Variants in IL1RAPL1 observed in about 807,000 individuals in gnomAD.
IL1RAPL1 encodes the protein interleukin 1 receptor accessory protein like 1.
IL1RAPL1 carries 3 observed loss-of-function variants against 48.4 expected under a neutral mutation model. The ratio of observed to expected loss-of-function variants is 0.06; its 90% confidence interval spans 0.03 to 0.16. The LOEUF (loss-of-function observed/expected upper bound fraction) is 0.16, where lower values mean the gene tolerates loss of function less well. Among genes scored for constraint, IL1RAPL1 ranks in the 10% least tolerant of loss-of-function variants. The pLI is 1.00. For synonymous variants in IL1RAPL1, 185 were observed against 187.7 expected (o/e 0.99, Z 0.12); for missense variants, 349 against 530.6 (o/e 0.66, Z 3.36).
At chrX:29,894,863 C>G (rs1258822030) in intron 6 of IL1RAPL1, among the ~76,000 whole-genome samples, 1 of 110,576 alleles carries the variant, frequency 9.0e-6, no homozygotes, top group Non-Finnish European at 1.9e-5. Flanking sequence ...GAGTCTTGCT[C>G]TACCACCCAG....
At chrX:29,771,538 T>A (rs1158963681) in intron 6 of IL1RAPL1, among the ~76,000 whole-genome samples, 1 of 112,053 alleles carries the variant, frequency 8.9e-6, no homozygotes, top group African/African-American at 3.2e-5. Flanking sequence ...TTGGGGTCAC[T>A]GTTTGGAAAA....
At chrX:28,849,911 A>G (rs1227541307) in intron 2 of IL1RAPL1, among the ~76,000 whole-genome samples, 1 of 111,847 alleles carries the variant, frequency 8.9e-6, no homozygotes, top group Non-Finnish European at 1.9e-5. Context: ...TTATTCAACT[A>G]ATGCCAGTAC....
At chrX:29,485,929 A>T (rs1935090565) in intron 5 of IL1RAPL1, among the ~76,000 whole-genome samples, 1 of 111,197 alleles carries the variant, frequency 9.0e-6, no homozygotes, top group Admixed American at 9.6e-5. Context: ...ATCCCCATGG[A>T]ATCTGTAGGC....
At chrX:29,253,107 T>A (rs1332243349) in intron 2 of IL1RAPL1, among the ~76,000 whole-genome samples, 1 of 110,912 alleles carries the variant, frequency 9.0e-6, no homozygotes, top group Non-Finnish European at 1.9e-5. Context: ...GAAAGTGAAA[T>A]AACATGTCTA....
chrX:28,737,157 C>T (rs1283143038), intron 1 of IL1RAPL1, among the ~76,000 whole-genome samples: 412 of 31,475 alleles, frequency 0.013, 6 homozygotes, highest in East Asian at 0.073. Context: ...TTCCTTCCTT[C>T]CTTCCTTCCT....
chrX:29,399,103 T>C, intron 4 of IL1RAPL1, 52 bp from the exon 5 acceptor site: 3 of 993,651 alleles, frequency 3.0e-6, no homozygotes, highest in Non-Finnish European at 4.3e-6. Context: ...AAAACTGTTC[T>C]ATATTTTTCC....
intron 6 of IL1RAPL1, among the ~76,000 whole-genome samples, chrX:29,767,451 G>A (rs1215764206): frequency 1.8e-5 from 2 of 111,687 alleles, no homozygotes. Flanking sequence ...GTATTCCAAA[G>A]GAAAGTATAA....
At chrX:28,939,056 GA>G (rs1277143789) in intron 2 of IL1RAPL1, among the ~76,000 whole-genome samples, 1 of 109,473 alleles carries the variant, frequency 9.1e-6, no homozygotes, top group Non-Finnish European at 1.9e-5. Flanking sequence ...TGGTTGTAGA[GA>G]AAAGAGAACA....
Position 29,919,871 on chromosome X carries a change from C to T in IL1RAPL1, c.912-78C>T, listed in dbSNP as rs1932831904. On this transcript the variant is annotated intron_variant, in intron 7 of 10. Coordinates refer to ENST00000378993, the MANE Select transcript of IL1RAPL1 (RefSeq NM_014271.4). ...TTTGTAGGTAGTTTTACATCAGATT[C>T]GGATTCATCTACATTTCTTTCTTGT... 2.7e-5 allele frequency: 26 copies of T among 972,100 alleles called. No individual in the cohort carries two copies. In the South Asian group the frequency reaches 2.9e-4, roughly 11 times the overall value. 80.1% of individuals were successfully genotyped at this position (972,100 alleles called of 1,213,427 possible). A position where few individuals can be genotyped will look rare whatever the true frequency, so the allele number is the denominator to read the frequency against.
At chrX:29,875,054 A>G (rs10126432) in intron 6 of IL1RAPL1, among the ~76,000 whole-genome samples, 3,586 of 111,817 alleles carry the variant, frequency 0.032, 126 homozygotes, top group African/African-American at 0.11. Flanking sequence ...TAACACATAC[A>G]TATATACACA....
intron 6 of IL1RAPL1, among the ~76,000 whole-genome samples, chrX:29,739,414 AT>A (rs1412933630): frequency 1.7e-4 from 19 of 111,097 alleles, no homozygotes; most frequent in Non-Finnish European, 2.6e-4. Context: ...TTCATTAGGT[AT>A]TTTTTCCATT....
chrX:28,957,842 C>A (rs1291982709), intron 2 of IL1RAPL1, among the ~76,000 whole-genome samples: 2 of 108,918 alleles, frequency 1.8e-5, no homozygotes, highest in East Asian at 5.7e-4. Context: ...GCCTGTAATC[C>A]CAGCTACTCA....
intron 2 of IL1RAPL1, among the ~76,000 whole-genome samples, chrX:28,963,648 T>C (rs1262780708): frequency 9.0e-6 from 1 of 110,976 alleles, no homozygotes; most frequent in East Asian, 2.8e-4. Context: ...ATATGCATGT[T>C]TGGGTGTTAT....
intron 6 of IL1RAPL1, among the ~76,000 whole-genome samples, chrX:29,897,999 TA>T (rs753942291): frequency 1.6e-4 from 18 of 111,522 alleles, no homozygotes; most frequent in African/African-American, 5.9e-4. Flanking sequence ...TTTTATATTA[TA>T]AAAATTTAAA....
chrX:29,565,227 G>T (rs963178373), intron 5 of IL1RAPL1, among the ~76,000 whole-genome samples: 1 of 110,548 alleles, frequency 9.0e-6, no homozygotes, highest in Non-Finnish European at 1.9e-5. Flanking sequence ...AAATCAATAC[G>T]CAGGGTATGA....
At chrX:29,563,207 G>A (rs933265449) in intron 5 of IL1RAPL1, among the ~76,000 whole-genome samples, 1 of 68,971 alleles carries the variant, frequency 1.4e-5, no homozygotes, top group African/African-American at 4.2e-5. Flanking sequence ...ATGTTCTCAT[G>A]TGCAGTTTTA....
intron 1 of IL1RAPL1, among the ~76,000 whole-genome samples, chrX:28,756,560 C>A: frequency 8.9e-6 from 1 of 112,165 alleles, no homozygotes. Context: ...CTTTTTGCAG[C>A]TCAATTCTCC....
At chrX:29,722,022 G>C (rs1038912762) in intron 6 of IL1RAPL1, among the ~76,000 whole-genome samples, 2 of 111,325 alleles carry the variant, frequency 1.8e-5, no homozygotes, top group Non-Finnish European at 3.8e-5. Flanking sequence ...TACATTTCCT[G>C]TTACCATCTT....
intron 5 of IL1RAPL1, among the ~76,000 whole-genome samples, chrX:29,467,742 A>C (rs1376283605): frequency 8.9e-6 from 1 of 112,637 alleles, no homozygotes; most frequent in Non-Finnish European, 1.9e-5. Flanking sequence ...TAGAACTCTG[A>C]TGCCTTTATT....
Sources: gnomAD v4.1 joint callset for allele counts (sites outside exome capture counted in the v4.1 genomes callset) on GRCh38, gnomAD v4.1.1 for gene constraint, MANE v1.5 for transcripts, NCBI Gene and HGNC (gene_info 2026-07-23, HGNC 2026-07-21) for gene names.